The following CSMD3 variants were observed in gnomAD, a reference collection of about 807,000 sequenced individuals.
The protein encoded by CSMD3 is CUB and Sushi multiple domains 3, also known as CUB and sushi domain-containing protein 3.
A neutral mutation model predicts 435.2 loss-of-function variants in CSMD3; 177 were observed. The ratio of observed to expected loss-of-function variants is 0.41; its 90% CI spans 0.36 to 0.46. The LOEUF is 0.46. Among genes scored for constraint, CSMD3 ranks in the 20% least tolerant of loss-of-function variants. CSMD3 has a pLI of 0.34. For synonymous variants in CSMD3, 1,656 were observed against 1,520.5 expected (o/e 1.09, Z -2.07); for missense variants, 4,265 against 4,504.6 (o/e 0.95, Z 1.52).
intron 31 of CSMD3, among the ~76,000 whole-genome samples, chr8:112,478,398 A>G (rs1373711794): frequency 6.6e-6 from 1 of 152,216 alleles, no homozygotes; most frequent in Non-Finnish European, 1.5e-5. Context: ...AAATGCTGGT[A>G]GAAATATGGA....
chr8:112,590,517 G>A (rs1831093710), intron 22 of CSMD3, among the ~76,000 whole-genome samples: 1 of 152,088 alleles, frequency 6.6e-6, no homozygotes, highest in African/African-American at 2.4e-5. Flanking sequence ...CTTTCTTTGT[G>A]CAAGGTTGAT....
chr8:112,402,041 T>A (rs1831389180), intron 35 of CSMD3, among the ~76,000 whole-genome samples: 1 of 152,222 alleles, frequency 6.6e-6, no homozygotes, highest in Admixed American at 6.5e-5. Context: ...TGTGGTGGCT[T>A]ATTTGACAAA....
intron 5 of CSMD3, among the ~76,000 whole-genome samples, chr8:113,048,169 T>A (rs1160117399): frequency 6.7e-6 from 1 of 148,462 alleles, no homozygotes; most frequent in Non-Finnish European, 1.5e-5. Flanking sequence ...CTCGGCTCAC[T>A]GCAAGCTCCG....
intron 1 of CSMD3, among the ~76,000 whole-genome samples, chr8:113,434,131 C>T (rs2094691348): frequency 6.6e-6 from 1 of 152,176 alleles, no homozygotes; most frequent in Non-Finnish European, 1.5e-5. Context: ...TTTGTCATTG[C>T]TGTTGAACGC....
chr8:113,015,359 A>G (rs1043826776), intron 6 of CSMD3, among the ~76,000 whole-genome samples: 2 of 152,036 alleles, frequency 1.3e-5, no homozygotes, highest in Non-Finnish European at 2.9e-5. Context: ...GTGTGTTGCT[A>G]TTAATATATC....
intron 5 of CSMD3, among the ~76,000 whole-genome samples, chr8:113,056,113 G>A (rs555188982): frequency 7.2e-5 from 11 of 152,236 alleles, no homozygotes; most frequent in South Asian, 2.1e-4. Flanking sequence ...AACTCTTTTG[G>A]ACATCAGAAA....
At chr8:112,682,712 AAG>A (rs1235245109) in intron 15 of CSMD3, 76 bp from the exon 16 acceptor site, 434 of 990,492 alleles carry the variant, frequency 4.4e-4, no homozygotes, top group Middle Eastern at 6.4e-4. Context: ...TATTTTGGAA[AAG>A]AGAGAGAGAG....
chr8:112,494,817 G>A (rs1821173192), intron 30 of CSMD3, among the ~76,000 whole-genome samples: 1 of 152,040 alleles, frequency 6.6e-6, no homozygotes, highest in Non-Finnish European at 1.5e-5. Context: ...AGGTAAAAAG[G>A]CGATGGGAAA....
In CSMD3 at chr8:113,364,986, C is replaced by T. The variant is rs191507172; in HGVS notation, c.179-50193G>A. 3.3e-5 allele frequency among the ~76,000 whole-genome samples: 5 copies of T among 152,154 alleles called. No homozygotes were observed. The East Asian group carries it at 9.6e-4, about 29-fold the overall frequency. On this transcript the variant is annotated intron_variant, in intron 1 of 70. Transcript: ENST00000297405. The stretch of plus-strand genomic sequence containing the variant: ...TAGTACACCAGATTGATCAAACAAA[C>T]CGTCCTTGGAATTCTTTTCTTTTTC...
chr8:112,374,121 C>G (rs1384135519), intron 38 of CSMD3, among the ~76,000 whole-genome samples: 1 of 152,110 alleles, frequency 6.6e-6, no homozygotes, highest in East Asian at 1.9e-4. Context: ...CCACCATTCT[C>G]CCGAATTTAA....
At chr8:112,637,209 T>C (rs961621830) in intron 21 of CSMD3, among the ~76,000 whole-genome samples, 9 of 152,170 alleles carry the variant, frequency 5.9e-5, no homozygotes, top group Admixed American at 2.0e-4. Flanking sequence ...TAAATATTTG[T>C]ATTTGTGGTA....
At chr8:112,709,772 G>C (rs2076572458) in intron 13 of CSMD3, among the ~76,000 whole-genome samples, 1 of 152,020 alleles carries the variant, frequency 6.6e-6, no homozygotes. Flanking sequence ...GAAAGTGTAA[G>C]GGCAAGCACA....
chr8:112,868,704 C>T (rs1260952958), intron 10 of CSMD3, among the ~76,000 whole-genome samples: 1 of 152,034 alleles, frequency 6.6e-6, no homozygotes, highest in Non-Finnish European at 1.5e-5. Context: ...CAGCAGTAAA[C>T]CCATAAATAT....
intron 3 of CSMD3, among the ~76,000 whole-genome samples, chr8:113,203,046 A>G (rs1427045718): frequency 6.6e-6 from 1 of 152,098 alleles, no homozygotes; most frequent in Non-Finnish European, 1.5e-5. Context: ...TAAGTTCTAG[A>G]GTTCTGTACT....
At chr8:112,875,975 T>G (rs1194265741) in intron 10 of CSMD3, among the ~76,000 whole-genome samples, 1 of 152,158 alleles carries the variant, frequency 6.6e-6, no homozygotes, top group Non-Finnish European at 1.5e-5. Flanking sequence ...AGAACAATGA[T>G]CCTTTGGAAA....
At chr8:113,263,054 G>A (rs921080131) in intron 3 of CSMD3, among the ~76,000 whole-genome samples, 1 of 151,978 alleles carries the variant, frequency 6.6e-6, no homozygotes, top group Non-Finnish European at 1.5e-5. Context: ...GCTATGGTCT[G>A]TCCACAGGGA....
At chr8:112,448,444 C>T (rs900873477) in intron 32 of CSMD3, among the ~76,000 whole-genome samples, 7 of 152,114 alleles carry the variant, frequency 4.6e-5, no homozygotes, top group Admixed American at 6.5e-5. Context: ...GATTTGCACA[C>T]GTACACACAT....
rs1231645171 is a variant in CSMD3, at chr8:112,405,203, A to AC, written c.5809+1320_5809+1321insG. Among the ~76,000 whole-genome samples the AC allele has an allele frequency of 7.7e-3, 308 of 40,028 alleles. 46 individuals carry two copies. The highest frequency in any genetic ancestry group is 0.022 in the Middle Eastern group (2 of 90). The allele number at this position is 40,028 out of a possible 152,430, so 26.3% of individuals were successfully genotyped here. A position where few individuals can be genotyped will look rare whatever the true frequency, so the allele number is the denominator to read the frequency against. On this transcript the variant is annotated intron_variant, in intron 35 of 70. Transcript: ENST00000297405. ...TCTCTCAAAAAAAAAAAAAAAAAAA[A>AC]AAAAAACCCCCATATATATATATAT...
intron 32 of CSMD3, among the ~76,000 whole-genome samples, chr8:112,463,784 C>T (rs544108387): frequency 6.6e-6 from 1 of 152,230 alleles, no homozygotes; most frequent in South Asian, 2.1e-4. Flanking sequence ...GTGTGTCAAG[C>T]AGTCACCGGC....
Sources: allele counts gnomAD v4.1 joint callset (sites outside exome capture counted in the v4.1 genomes callset), GRCh38; gene constraint gnomAD v4.1.1; transcripts MANE v1.5; gene names NCBI Gene and HGNC (gene_info 2026-07-23, HGNC 2026-07-21).